Variants in ADD1 observed in about 807,000 individuals in gnomAD.
The protein encoded by ADD1 is alpha-adducin.
ADD1 carries 24 observed loss-of-function variants against 80.5 expected under a neutral mutation model. The ratio of observed to expected loss-of-function variants is 0.30; its 90% confidence interval spans 0.22 to 0.42. ADD1 has a LOEUF of 0.42. ADD1 is among the 10% of genes least tolerant of loss of function. The pLI is 1.00. For missense variants in ADD1, 948 were observed against 1,019.0 expected (o/e 0.93, Z 0.95); for synonymous variants, 373 against 393.8 (o/e 0.95, Z 0.63).
At chr4:2,888,707 T>G (rs1213213480) in intron 4 of ADD1, among the ~76,000 whole-genome samples, 1 of 152,018 alleles carries the variant, frequency 6.6e-6, no homozygotes, top group African/African-American at 2.4e-5. Context: ...TGTGAGCCAC[T>G]GCACCCAGCC....
intron 6 of ADD1, among the ~76,000 whole-genome samples, chr4:2,895,667 CCCT>C (rs1735073312): frequency 6.6e-6 from 1 of 152,112 alleles, no homozygotes. Context: ...TGCTCAGGAA[CCCT>C]CCTCCTCAGC....
intron 1 of ADD1, among the ~76,000 whole-genome samples, chr4:2,856,584 G>GTTTTTT (rs35341139): frequency 3.8e-5 from 4 of 105,810 alleles, no homozygotes; most frequent in Non-Finnish European, 5.8e-5. Flanking sequence ...GGTTACTAGA[G>GTTTTTT]TTTTTTTTTT....
chr4:2,913,604 C>A (rs529908737), intron 13 of ADD1, among the ~76,000 whole-genome samples: 1 of 152,158 alleles, frequency 6.6e-6, no homozygotes, highest in East Asian at 1.9e-4. Context: ...TCTCGGAGCT[C>A]TGTGTCACTG....
chr4:2,897,519 A>G (rs562479187), intron 6 of ADD1, among the ~76,000 whole-genome samples: 1 of 146,246 alleles, frequency 6.8e-6, no homozygotes, highest in Admixed American at 6.8e-5. Flanking sequence ...GAAAAACTTT[A>G]GAGCACTTGG....
intron 13 of ADD1, among the ~76,000 whole-genome samples, chr4:2,913,222 T>A (rs1469047810): frequency 1.3e-5 from 2 of 152,256 alleles, no homozygotes; most frequent in Non-Finnish European, 2.9e-5. Flanking sequence ...AGCATTTCTC[T>A]TGTATCACCT....
chr4:2,881,200 C>G (rs754326071), intron 2 of ADD1, among the ~76,000 whole-genome samples: 1 of 149,942 alleles, frequency 6.7e-6, no homozygotes, highest in Non-Finnish European at 1.5e-5. Flanking sequence ...TTCTCAGCCT[C>G]CCAAGTAGCT....
chr4:2,872,074 G>A (rs1730541529), intron 1 of ADD1, among the ~76,000 whole-genome samples: 1 of 152,176 alleles, frequency 6.6e-6, no homozygotes, highest in South Asian at 2.1e-4. Context: ...AAACCAATTA[G>A]GAGGCCGTTG....
intron 1 of ADD1, among the ~76,000 whole-genome samples, chr4:2,852,672 TACTG>T (rs34010614): frequency 0.53 from 77,766 of 147,864 alleles, 20,889 homozygotes; most frequent in African/African-American, 0.6. Context: ...GTGTTTTCTG[TACTG>T]TTTGTAAAGC....
chr4:2,861,984 A>T (rs1284149326), intron 1 of ADD1, among the ~76,000 whole-genome samples: 1 of 152,204 alleles, frequency 6.6e-6, no homozygotes. Context: ...GTGGCCCGAG[A>T]CAATTCTTCT....
Position 2,928,353 on chromosome 4 carries a change from G to A in ADD1, c.2230G>A (p.Ala744Thr). The change falls in exon 16 of 16, where the codon GCC becomes ACC. Residue 744 changes from alanine (A) to threonine (T), a missense_variant. Ala to Thr is a moderately conservative substitution (Grantham distance 58, BLOSUM62 0). Transcript: ENST00000683351. ...EAPTEASPEP[A>T]PDPAPVAEEA... ...CCCTACTGAGGCCAGCCCCGAGCCA[G>A]CCCCAGACCCAGCCCCGGTGGCTGA... The A allele has an allele frequency of 2.5e-6, 4 of 1,613,660 alleles. No individual in the cohort carries two copies. The highest frequency in any genetic ancestry group is 3.4e-6 in the Non-Finnish European group (4 of 1,179,896).
Position 2,846,986 on chromosome 4 carries a change from G to C in ADD1, c.-21+2962G>C, listed in dbSNP as rs185434980. The stretch of plus-strand genomic sequence containing the variant: ...CAAAAAATTAGCTGGGCGTGGTGGC[G>C]GATGCCTGTAGTCCCAGCTACTCGG... On this transcript the variant is annotated intron_variant, in intron 1 of 15. Coordinates refer to ENST00000683351, the MANE Select transcript of ADD1 (RefSeq NM_001354761.2). Among the ~76,000 whole-genome samples the C allele has an allele frequency of 1.0e-3, 154 of 152,206 alleles. 2 individuals carry two copies. The highest frequency in any genetic ancestry group is 3.4e-3 in the Middle Eastern group (1 of 294).
At chr4:2,874,953 G>A (rs1054535504) in intron 1 of ADD1, among the ~76,000 whole-genome samples, 19 of 152,154 alleles carry the variant, frequency 1.2e-4, no homozygotes, top group Admixed American at 6.5e-4. Context: ...CTAACAGGGC[G>A]TGGTGGCTCA....
intron 1 of ADD1, among the ~76,000 whole-genome samples, chr4:2,852,181 T>TCTTCCTTTCTTCCTTTCTTCCTTTCTTC (rs1560138075): frequency 1.1e-4 from 6 of 55,916 alleles, no homozygotes; most frequent in African/African-American, 4.6e-4. Context: ...TTTCTTTCTT[T>TCTTCCTTTCTTCCTTTCTTCCTTTCTTC]CTTTCTTTCT....
chr4:2,848,551 C>G (rs1467648896), intron 1 of ADD1, among the ~76,000 whole-genome samples: 1 of 152,062 alleles, frequency 6.6e-6, no homozygotes, highest in Non-Finnish European at 1.5e-5. Context: ...TTGCCGCAGC[C>G]TTGAACTCCT....
rs781360063 is a variant in ADD1 at position 2,876,064 on chromosome 4, A to G, written c.149A>G (p.Asn50Ser). The G allele has an allele frequency of 2.5e-6, 4 of 1,614,016 alleles. No homozygotes were observed. Among genetic ancestry groups the G allele is most frequent in the Admixed American group, 1.7e-5 (1 of 59,990 alleles). The change falls in exon 2 of 16, where the codon AAC becomes AGC. Residue 50 changes from asparagine (N) to serine (S), a missense_variant. By Grantham distance (46) the Asn-to-Ser change is conservative (BLOSUM62 1). Transcript: ENST00000683351. The part of the protein sequence containing the change: ...NMAPDLRQDF[N>S]MMEQKKRVSM... ...GCACCAGACCTTCGCCAGGACTTCA[A>G]CATGATGGAGCAAAAGAAGAGGGTG...
At chr4:2,914,058 C>CAAAAAAAAAAAAAAA (rs775339952) in intron 13 of ADD1, among the ~76,000 whole-genome samples, 28 of 120,554 alleles carry the variant, frequency 2.3e-4, no homozygotes, top group Admixed American at 5.1e-4. Flanking sequence ...GACTCCGTCT[C>CAAAAAAAAAAAAAAA]AAAAAAAAAA....
intron 1 of ADD1, among the ~76,000 whole-genome samples, chr4:2,863,068 G>A (rs1577462090): frequency 6.6e-6 from 1 of 151,982 alleles, no homozygotes; most frequent in Middle Eastern, 3.4e-3. Flanking sequence ...GAATTTTTTT[G>A]AGACAGAGCT....
At position 2,904,835 on chromosome 4, in the gene ADD1, G is replaced by A; in HGVS notation, c.1233G>A (p.Glu411=). 6.2e-7 allele frequency: 1 copy of A among 1,614,174 alleles called. No homozygotes were observed. The highest frequency in any genetic ancestry group is 8.5e-7 in the Non-Finnish European group (1 of 1,180,034). Residue 411 remains glutamate (E), a synonymous_variant, in exon 10 of 16, where the codon GAG becomes GAA. Coordinates refer to ENST00000683351, the MANE Select transcript of ADD1 (RefSeq NM_001354761.2). ...AGTCTAAAAAATACAGCGATGTGGAGGTTCCTGCTAGTGTCACAGGTTACT... is the reference window on the plus strand; with the variant it reads ...AGTCTAAAAAATACAGCGATGTGGAAGTTCCTGCTAGTGTCACAGGTTACT... ...REKSKKYSDV[E]VPASVTGYSF... is the part of the protein sequence containing the mutation.
chr4:2,852,202 TCTTTC>T (rs1191208476), intron 1 of ADD1, among the ~76,000 whole-genome samples: 5,080 of 109,454 alleles, frequency 0.046, 135 homozygotes, highest in Non-Finnish European at 0.064. Flanking sequence ...TTCTTTCCTT[TCTTTC>T]CTTTCCTTTC....
Sources: gnomAD v4.1 joint callset for allele counts (sites outside exome capture counted in the v4.1 genomes callset) on GRCh38, gnomAD v4.1.1 for gene constraint, MANE v1.5 for transcripts, NCBI Gene and HGNC (gene_info 2026-07-23, HGNC 2026-07-21) for gene names.